The following CNTNAP4 variants were observed in gnomAD, a reference collection of about 807,000 sequenced individuals.
CNTNAP4 encodes contactin associated protein family member 4, also known as contactin-associated protein-like 4.
A neutral mutation model predicts 148.4 loss-of-function variants in CNTNAP4; 98 were observed. That is an observed-to-expected ratio of 0.66 (90% CI 0.56 to 0.78). The LOEUF (loss-of-function observed/expected upper bound fraction) is 0.78, where lower values mean the gene tolerates loss of function less well. CNTNAP4 is among the 30% of genes least tolerant of loss of function. CNTNAP4 has a pLI of 0.00. For synonymous variants in CNTNAP4, 730 were observed against 565.1 expected, an observed-to-expected ratio of 1.29 and a Z score of -4.14; for missense variants, 1,935 against 1,565.6, an observed-to-expected ratio of 1.24 and a Z score of -3.98.
intron 3 of CNTNAP4, among the ~76,000 whole-genome samples, chr16:76,364,363 A>G (rs895141909): frequency 6.6e-6 from 1 of 152,116 alleles, no homozygotes; most frequent in Non-Finnish European, 1.5e-5. Flanking sequence ...TCTGTTTGTA[A>G]GCAAGCAAAA....
rs997718937 is a variant in CNTNAP4, at chr16:76,369,189, C to T, written c.390+13678C>T. On this transcript the variant is annotated intron_variant, in intron 3 of 23. Transcript: ENST00000611870. ...ATTGGAATGAAAACATTTGAAACTG[C>T]AATATTTTAGACATTATTTTCCAAT... Among the ~76,000 whole-genome samples, 6 of 152,110 alleles carry T rather than the reference C, an allele frequency of 3.9e-5. No individual in the cohort carries two copies. The South Asian group carries it at 1.2e-3, about 32-fold the overall frequency.
intron 3 of CNTNAP4, among the ~76,000 whole-genome samples, chr16:76,368,410 G>C (rs1012954304): frequency 6.6e-6 from 1 of 152,140 alleles, no homozygotes; most frequent in Non-Finnish European, 1.5e-5. Context: ...CAATAGCAAA[G>C]ACTTGGAACC....
At chr16:76,312,631 T>C (rs1001321838) in intron 1 of CNTNAP4, among the ~76,000 whole-genome samples, 2 of 152,170 alleles carry the variant, frequency 1.3e-5, no homozygotes, top group Non-Finnish European at 1.5e-5. Context: ...AGAGAATTTG[T>C]TCATGCTATT....
intron 11 of CNTNAP4, among the ~76,000 whole-genome samples, chr16:76,477,699 C>T (rs951466263): frequency 2.6e-5 from 4 of 152,074 alleles, no homozygotes; most frequent in African/African-American, 7.2e-5. Context: ...TTGCATGCCA[C>T]GTTATTTGAC....
intron 11 of CNTNAP4, 98 bp from the exon 12 acceptor site, chr16:76,479,321 C>A (rs900635267): frequency 1.8e-6 from 2 of 1,109,828 alleles, no homozygotes; most frequent in African/African-American, 1.6e-5. Flanking sequence ...CAGTAATGTA[C>A]ATTTTAAATT....
At chr16:76,426,853 A>T (rs934854078) in intron 3 of CNTNAP4, among the ~76,000 whole-genome samples, 2 of 152,072 alleles carry the variant, frequency 1.3e-5, no homozygotes, top group African/African-American at 4.8e-5. Context: ...GTCTTTCCAA[A>T]TTATTATTGC....
intron 7 of CNTNAP4, 87 bp downstream of exon 7, chr16:76,449,945 C>T: frequency 8.4e-7 from 1 of 1,190,978 alleles, no homozygotes; most frequent in Non-Finnish European, 1.2e-6. Flanking sequence ...TCCCATTTGA[C>T]ATGGGGTTTT....
intron 21 of CNTNAP4, among the ~76,000 whole-genome samples, chr16:76,545,485 C>T (rs986730439): frequency 3.9e-5 from 6 of 152,062 alleles, no homozygotes; most frequent in Non-Finnish European, 7.4e-5. Context: ...GGCAGGTGGT[C>T]CCCGTGGAGT....
chr16:76,354,608 C>G (rs931249694), intron 2 of CNTNAP4, among the ~76,000 whole-genome samples: 2 of 152,100 alleles, frequency 1.3e-5, no homozygotes, highest in African/African-American at 2.4e-5. Flanking sequence ...TCATCATGGC[C>G]AATTGCAAAG....
Position 76,318,700 on chromosome 16 carries a change from GATTT to G in CNTNAP4, c.196+2185_196+2188del, listed in dbSNP as rs201155398. ...AATTTCTCATAATATTTCTCATAAT[GATTT>G]ATTTATTAGAGAGAATAAATTAATT... On this transcript the variant is annotated intron_variant, in intron 2 of 23. Coordinates refer to ENST00000611870, the MANE Select transcript of CNTNAP4 (RefSeq NM_033401.5). Among the ~76,000 whole-genome samples the G allele has an allele frequency of 7.9e-3, 1,052 of 133,504 alleles. 8 individuals carry two copies. Among genetic ancestry groups the G allele is most frequent in the African/African-American group, 0.026 (998 of 38,574 alleles). The allele number at this position is 133,504 out of a possible 152,430, so 87.6% of individuals were successfully genotyped here.
At chr16:76,294,165 G>C (rs749808661) in intron 1 of CNTNAP4, among the ~76,000 whole-genome samples, 2 of 152,086 alleles carry the variant, frequency 1.3e-5, no homozygotes, top group Non-Finnish European at 1.5e-5. Flanking sequence ...GGGTGGTGAG[G>C]TACGATGATA....
intron 2 of CNTNAP4, among the ~76,000 whole-genome samples, chr16:76,349,101 A>G (rs772510951): frequency 6.6e-6 from 1 of 152,058 alleles, no homozygotes; most frequent in Non-Finnish European, 1.5e-5. Context: ...GCACAGCAGG[A>G]CCTAGCGGTC....
At chr16:76,547,474 A>G (rs753491439) in intron 21 of CNTNAP4, among the ~76,000 whole-genome samples, 1 of 152,212 alleles carries the variant, frequency 6.6e-6, no homozygotes, top group Admixed American at 6.5e-5. Flanking sequence ...ATAATGGCAC[A>G]AGAACACTAA....
chr16:76,462,824 C>T (rs375961486), intron 9 of CNTNAP4, among the ~76,000 whole-genome samples: 1 of 152,204 alleles, frequency 6.6e-6, no homozygotes, highest in East Asian at 1.9e-4. Context: ...CACTTCTAAT[C>T]ATGTTGAGGT....
intron 8 of CNTNAP4, among the ~76,000 whole-genome samples, chr16:76,456,583 TG>T (rs1381797957): frequency 6.6e-6 from 1 of 150,486 alleles, no homozygotes; most frequent in Non-Finnish European, 1.5e-5. Flanking sequence ...AGAATGGCCT[TG>T]TCTGATGTTG....
At chr16:76,336,445 C>G (rs989379159) in intron 2 of CNTNAP4, among the ~76,000 whole-genome samples, 4 of 152,138 alleles carry the variant, frequency 2.6e-5, no homozygotes, top group African/African-American at 7.2e-5. Context: ...GACTTTTCCC[C>G]CAAAAGAAAA....
At chr16:76,422,816 C>G (rs2079237896) in intron 3 of CNTNAP4, among the ~76,000 whole-genome samples, 1 of 152,236 alleles carries the variant, frequency 6.6e-6, no homozygotes, top group East Asian at 1.9e-4. Flanking sequence ...GATGCTGAGC[C>G]CCTAACTTTC....
At chr16:76,483,423 T>C (rs577588922) in intron 12 of CNTNAP4, among the ~76,000 whole-genome samples, 1 of 152,286 alleles carries the variant, frequency 6.6e-6, no homozygotes, top group East Asian at 1.9e-4. Flanking sequence ...CATTCACCAA[T>C]CAATACATAA....
intron 3 of CNTNAP4, among the ~76,000 whole-genome samples, chr16:76,407,229 C>T (rs754423922): frequency 6.6e-6 from 1 of 152,112 alleles, no homozygotes; most frequent in South Asian, 2.1e-4. Context: ...ATATTTGAAA[C>T]CCACTATTGA....
Sources: gnomAD v4.1 joint callset for allele counts (sites outside exome capture counted in the v4.1 genomes callset) on GRCh38, gnomAD v4.1.1 for gene constraint, MANE v1.5 for transcripts, NCBI Gene and HGNC (gene_info 2026-07-23, HGNC 2026-07-21) for gene names.